Variants in FAM135A observed in about 807,000 individuals in gnomAD.
FAM135A encodes family with sequence similarity 135 member A.
FAM135A carries 79 observed loss-of-function variants against 146.8 expected under a neutral mutation model. That is an observed-to-expected ratio of 0.54 (90% confidence interval 0.45 to 0.65). The LOEUF (loss-of-function observed/expected upper bound fraction) is 0.65, where lower values mean the gene tolerates loss of function less well. FAM135A is among the 30% of genes least tolerant of loss of function. FAM135A has a pLI of 0.00. For missense variants in FAM135A, 1,623 were observed against 1,758.2 expected (o/e 0.92, Z 1.38); for synonymous variants, 562 against 603.6 (o/e 0.93, Z 1.01).
chr6:70,439,478 C>G (rs1208130606), intron 4 of FAM135A, among the ~76,000 whole-genome samples: 1 of 152,144 alleles, frequency 6.6e-6, no homozygotes, highest in Non-Finnish European at 1.5e-5. Context: ...ATTTCACTTT[C>G]AACCTTTCTC....
intron 12 of FAM135A, among the ~76,000 whole-genome samples, chr6:70,505,768 T>C (rs1789625971): frequency 6.6e-6 from 1 of 152,130 alleles, no homozygotes; most frequent in Non-Finnish European, 1.5e-5. Context: ...TATTTGTCTT[T>C]TCGAAAAAGC....
At chr6:70,438,969 C>T (rs1252186354) in intron 4 of FAM135A, among the ~76,000 whole-genome samples, 1 of 152,102 alleles carries the variant, frequency 6.6e-6, no homozygotes. Context: ...CCAGCCTGGG[C>T]AACAATATAG....
chr6:70,415,647 G>C (rs1050017226), intron 2 of FAM135A, among the ~76,000 whole-genome samples: 8 of 152,046 alleles, frequency 5.3e-5, no homozygotes, highest in African/African-American at 1.9e-4. Context: ...AAAAAGCCAG[G>C]TCTTTTTATT....
At chr6:70,528,268 A>G in intron 15 of FAM135A, 24 bp from the exon 16 acceptor site, 6 of 1,587,176 alleles carry the variant, frequency 3.8e-6, no homozygotes, top group Non-Finnish European at 5.1e-6. Flanking sequence ...CTTAGTAAAG[A>G]GTATCTTTTG....
chr6:70,481,868 AC>A lies in FAM135A; in HGVS notation c.670-131del, dbSNP rs1185381405. The stretch of plus-strand genomic sequence containing the variant: ...ATTGTATAAACAACTCTCAAATATT[AC>A]CACATTTTTTATATGTATTAGAATA... On this transcript the variant is annotated intron_variant, in intron 9 of 21. Coordinates refer to ENST00000418814, the MANE Select transcript of FAM135A (RefSeq NM_001162529.3). The A allele has an allele frequency of 4.8e-6, 4 of 836,824 alleles. No individual in the cohort carries two copies. In the African/African-American group the frequency reaches 7.1e-5, roughly 15 times the overall value. The allele number at this position is 836,824 out of a possible 1,614,324, so 51.8% of individuals were successfully genotyped here.
intron 11 of FAM135A, among the ~76,000 whole-genome samples, chr6:70,493,728 A>C (rs1235363222): frequency 6.6e-6 from 1 of 152,164 alleles, no homozygotes; most frequent in Non-Finnish European, 1.5e-5. Context: ...AAATTATGGG[A>C]TACTTGTAAT....
intron 21 of FAM135A, among the ~76,000 whole-genome samples, chr6:70,558,027 T>C (rs955065076): frequency 4.6e-5 from 7 of 152,326 alleles, no homozygotes; most frequent in African/African-American, 1.4e-4. Context: ...ACTAGATAAA[T>C]GTCCCTTATT....
At chr6:70,558,966 T>C (rs779980051) in intron 21 of FAM135A, among the ~76,000 whole-genome samples, 4 of 152,258 alleles carry the variant, frequency 2.6e-5, no homozygotes, top group South Asian at 4.1e-4. Flanking sequence ...TAAAATAATT[T>C]GGAAATTTTG....
chr6:70,444,716 C>G (rs1315137429), intron 4 of FAM135A, among the ~76,000 whole-genome samples: 1 of 151,956 alleles, frequency 6.6e-6, no homozygotes, highest in Non-Finnish European at 1.5e-5. Flanking sequence ...TGTATATTTG[C>G]TTTTAGTGTT....
intron 4 of FAM135A, among the ~76,000 whole-genome samples, chr6:70,429,447 A>T (rs1770965602): frequency 6.6e-6 from 1 of 152,042 alleles, no homozygotes; most frequent in African/African-American, 2.4e-5. Context: ...CAGGAGACAG[A>T]GTTTGCAGTG....
intron 11 of FAM135A, among the ~76,000 whole-genome samples, chr6:70,496,985 A>G (rs1180976995): frequency 6.6e-6 from 1 of 152,090 alleles, no homozygotes; most frequent in African/African-American, 2.4e-5. Context: ...TCTTGGCTAT[A>G]CGGTCTCTTT....
intron 8 of FAM135A, among the ~76,000 whole-genome samples, chr6:70,480,212 A>G (rs1783446683): frequency 6.6e-6 from 1 of 152,118 alleles, no homozygotes; most frequent in African/African-American, 2.4e-5. Flanking sequence ...TTCATATAGT[A>G]TGTAATTGAT....
intron 16 of FAM135A, among the ~76,000 whole-genome samples, chr6:70,531,100 T>C (rs989781420): frequency 2.0e-5 from 3 of 152,214 alleles, no homozygotes; most frequent in African/African-American, 4.8e-5. Context: ...AATATTGTCA[T>C]GATGGAGAAG....
chr6:70,468,891 C>T (rs1391738245), intron 5 of FAM135A, among the ~76,000 whole-genome samples: 1 of 152,154 alleles, frequency 6.6e-6, no homozygotes, highest in African/African-American at 2.4e-5. Context: ...AACTTCCAGA[C>T]TTCTGCTAGG....
chr6:70,531,186 A>G lies in FAM135A; in HGVS notation c.3776-1974A>G, dbSNP rs57211713. ...ATTTTCTCAAAACACTCTAATGATA[A>G]GCAGATATTATCATTCTTTGGTCCT... is the stretch of plus-strand genomic sequence containing the variant. On this transcript the variant is annotated intron_variant, in intron 16 of 21. Transcript: ENST00000418814. Among the ~76,000 whole-genome samples the G allele has an allele frequency of 4.0e-3, 616 of 152,336 alleles. 3 individuals carry two copies. Among genetic ancestry groups the G allele is most frequent in the African/African-American group, 0.014 (596 of 41,590 alleles).
Position 70,502,493 on chromosome 6 carries a change from CA to C in FAM135A, c.874-142del, listed in dbSNP as rs1387149915. 5.7e-6 allele frequency: 4 copies of C among 698,570 alleles called. No individual in the cohort carries two copies. The Admixed American group carries it at 1.2e-4, about 21-fold the overall frequency. 43.3% of individuals were successfully genotyped at this position (698,570 alleles called of 1,614,324 possible). A position where few individuals can be genotyped will look rare whatever the true frequency, so the allele number is the denominator to read the frequency against. On this transcript the variant is annotated intron_variant, in intron 11 of 21. Transcript: ENST00000418814. ...CATTGTTAATTGGTCTTTGTCTCTACACATGTGCATGCACATACAAATGCAC... is the reference window on the plus strand; with the variant it reads ...CATTGTTAATTGGTCTTTGTCTCTACCATGTGCATGCACATACAAATGCAC...
chr6:70,441,176 C>G (rs957906596), intron 4 of FAM135A, among the ~76,000 whole-genome samples: 1 of 151,984 alleles, frequency 6.6e-6, no homozygotes, highest in Non-Finnish European at 1.5e-5. Context: ...GGTGGATCAC[C>G]TGAGGTCAGG....
chr6:70,517,730 T>G (rs982021999), intron 12 of FAM135A, among the ~76,000 whole-genome samples: 1 of 152,174 alleles, frequency 6.6e-6, no homozygotes, highest in African/African-American at 2.4e-5. Context: ...TAGTGTGATC[T>G]TTAATGGGTA....
intron 20 of FAM135A, among the ~76,000 whole-genome samples, chr6:70,545,022 G>T (rs941298013): frequency 6.6e-6 from 1 of 151,628 alleles, no homozygotes; most frequent in Non-Finnish European, 1.5e-5. Context: ...TTGCACTCCA[G>T]CCTGGGCAAC....
Sources: allele counts gnomAD v4.1 joint callset (sites outside exome capture counted in the v4.1 genomes callset), GRCh38; gene constraint gnomAD v4.1.1; transcripts MANE v1.5; gene names NCBI Gene and HGNC (gene_info 2026-07-23, HGNC 2026-07-21).